ABHD10: variants seen among roughly 807,000 people sequenced by gnomAD.
ABHD10 encodes the protein palmitoyl-protein thioesterase ABHD10, mitochondrial.
In ABHD10, 22 loss-of-function variants were observed where a neutral mutation model predicts 33.1. The ratio of observed to expected loss-of-function variants is 0.66; its 90% confidence interval spans 0.47 to 0.95. ABHD10 has a LOEUF of 0.95. ABHD10 is among the 40% of genes least tolerant of loss of function. The probability of loss-of-function intolerance (pLI) is 0.00; values close to 1 mark genes in which losing one functional copy is unlikely to be tolerated. For synonymous variants in ABHD10, 146 were observed against 133.9 expected (o/e 1.09, Z -0.62); for missense variants, 352 against 379.9 (o/e 0.93, Z 0.61).
At position 111,986,964 on chromosome 3, in the gene ABHD10, T is replaced by G. The variant is rs1174418553; in HGVS notation, c.489T>G (p.Ile163Met). 4 of 1,612,778 alleles carry G rather than the reference T, an allele frequency of 2.5e-6. No individual in the cohort carries two copies. Among genetic ancestry groups the G allele is most frequent in the Non-Finnish European group, 3.4e-6 (4 of 1,179,686 alleles). Residue 163 changes from isoleucine (I) to methionine (M), a missense_variant, in exon 4 of 5, where the codon ATT becomes ATG. Transcript: ENST00000273359. ...GGTGGCTTATGCTTCATGCTGCAAT[T>G]GCACGACCAGAGAAGGTCGTGGCTC... ...LGGWLMLHAA[I>M]ARPEKVVALI...
chr3:111,993,025 A>G lies in ABHD10; in HGVS notation c.*1304A>G, dbSNP rs2072762150. On this transcript the variant is annotated 3_prime_UTR_variant, in exon 5 of 5. Coordinates refer to ENST00000273359, the MANE Select transcript of ABHD10 (RefSeq NM_018394.4). ...AGAACTGATCAAAGTAGCTTACTATATCTAAACTGTAAAACAATATAGTTT... is the reference window on the plus strand; with the variant it reads ...AGAACTGATCAAAGTAGCTTACTATGTCTAAACTGTAAAACAATATAGTTT... The G allele has an allele frequency of 1.3e-5, 2 of 152,220 alleles. No individual in the cohort carries two copies. Among genetic ancestry groups the G allele is most frequent in the African/African-American group, 4.8e-5 (2 of 41,456 alleles). The allele number at this position is 152,220 out of a possible 1,614,324, so 9.4% of individuals were successfully genotyped here. A position where few individuals can be genotyped will look rare whatever the true frequency, so the allele number is the denominator to read the frequency against.
rs750405903 is a variant in ABHD10 at position 111,979,067 on chromosome 3, G to A, written c.6G>A (p.Ala2=). 3 of 1,612,862 alleles carry A rather than the reference G, an allele frequency of 1.9e-6. No individual in the cohort carries two copies. The Admixed American group carries it at 5.0e-5, about 27-fold the overall frequency. The stretch of plus-strand genomic sequence containing the variant: ...GTGCGGGGACAACTACGAAGATGGC[G>A]GTTGCGCGCTTGGCAGCTGTGGCGG... M[A]VARLAAVAAW... Residue 2 remains alanine, a synonymous_variant, in exon 1 of 5, where the codon GCG becomes GCA. Coordinates refer to ENST00000273359, the MANE Select transcript of ABHD10 (RefSeq NM_018394.4).
intron 1 of ABHD10, among the ~76,000 whole-genome samples, chr3:111,979,935 T>G (rs2072559225): frequency 6.6e-6 from 1 of 152,230 alleles, no homozygotes. Flanking sequence ...ATAATCAGAT[T>G]AACTTGCATT....
chr3:111,988,348 TC>T (rs2072696740), intron 4 of ABHD10, among the ~76,000 whole-genome samples: 2 of 152,318 alleles, frequency 1.3e-5, no homozygotes, highest in African/African-American at 4.8e-5. Context: ...TTGTTCACTT[TC>T]TTGGTGGTTT....
At chr3:111,988,217 C>T (rs2072694536) in intron 4 of ABHD10, among the ~76,000 whole-genome samples, 1 of 152,174 alleles carries the variant, frequency 6.6e-6, no homozygotes, top group East Asian at 1.9e-4. Context: ...TCTTAGTTCA[C>T]GTTGTTTTAA....
At chr3:111,982,126 A>G in intron 2 of ABHD10, 159 bp downstream of exon 2, 1 of 625,824 alleles carries the variant, frequency 1.6e-6, no homozygotes, top group Non-Finnish European at 2.3e-6. Context: ...TTTAAAAGCA[A>G]CCTTTAAAAG....
At chr3:111,982,138 C>T (rs2072593131) in intron 2 of ABHD10, 171 bp downstream of exon 2, 1 of 552,422 alleles carries the variant, frequency 1.8e-6, no homozygotes, top group Non-Finnish European at 2.8e-6. Flanking sequence ...CTTTAAAAGA[C>T]CTTTTTTAAA....
chr3:111,989,140 AG>A (rs1482052420), intron 4 of ABHD10, among the ~76,000 whole-genome samples: 2 of 152,176 alleles, frequency 1.3e-5, no homozygotes, highest in Non-Finnish European at 2.9e-5. Context: ...ATGTCAACGG[AG>A]CAGATGTGGA....
At chr3:111,988,715 G>C (rs567839190) in intron 4 of ABHD10, among the ~76,000 whole-genome samples, 4 of 152,154 alleles carry the variant, frequency 2.6e-5, no homozygotes, top group African/African-American at 9.6e-5. Flanking sequence ...TCAGCCTCCT[G>C]AGTAGCTGGG....
At chr3:111,989,438 T>A (rs868156479) in intron 4 of ABHD10, among the ~76,000 whole-genome samples, 2 of 152,386 alleles carry the variant, frequency 1.3e-5, no homozygotes, top group Middle Eastern at 3.4e-3. Context: ...TACAACATTT[T>A]ATAAAGTTAA....
intron 2 of ABHD10, among the ~76,000 whole-genome samples, chr3:111,984,006 A>G (rs911510842): frequency 7.2e-5 from 11 of 152,050 alleles, no homozygotes; most frequent in Non-Finnish European, 1.3e-4. Flanking sequence ...AAGTATTTAT[A>G]TTTTCCTTCA....
chr3:111,981,332 A>AT (rs2072582359), intron 1 of ABHD10, among the ~76,000 whole-genome samples: 1 of 145,294 alleles, frequency 6.9e-6, no homozygotes, highest in Admixed American at 6.7e-5. Context: ...AAAAAAAAAA[A>AT]AGAAAGAAAA....
At position 111,991,376 on chromosome 3, in the gene ABHD10, G is replaced by C. The variant is rs2072736937; in HGVS notation, c.577-1G>C. On this transcript the variant is annotated splice_acceptor_variant, in intron 4 of 4. Transcript: ENST00000273359. LOFTEE classifies it high-confidence loss of function. ...TTTATTTTTCTTTCTTTTTCCAATA[G>C]CTAAAAAAGGAAGTAGAGATGAAAG... is the stretch of plus-strand genomic sequence containing the variant. 6.3e-7 allele frequency: 1 copy of C among 1,589,964 alleles called. No homozygotes were observed. Among genetic ancestry groups the C allele is most frequent in the Admixed American group, 1.9e-5 (1 of 51,672 alleles).
chr3:111,981,714 C>A (rs955999122), intron 1 of ABHD10, 70 bp from the exon 2 acceptor site: 11 of 1,319,688 alleles, frequency 8.3e-6, no homozygotes, highest in East Asian at 7.1e-5. Flanking sequence ...AAGTTAAGAT[C>A]GAAAATATAT....
At chr3:111,983,182 TA>T (rs1430321973) in intron 2 of ABHD10, among the ~76,000 whole-genome samples, 1 of 152,148 alleles carries the variant, frequency 6.6e-6, no homozygotes, top group African/African-American at 2.4e-5. Flanking sequence ...CTTAATTGCA[TA>T]AAGTTAGAGA....
intron 2 of ABHD10, among the ~76,000 whole-genome samples, chr3:111,984,760 A>G (rs2072632726): frequency 6.6e-6 from 1 of 152,220 alleles, no homozygotes; most frequent in Non-Finnish European, 1.5e-5. Flanking sequence ...CTATTTAAAG[A>G]CAGAGTCATA....
chr3:111,990,795 T>C (rs996020670), intron 4 of ABHD10: 2 of 1,079,478 alleles, frequency 1.9e-6, no homozygotes, highest in Admixed American at 3.0e-5. Context: ...TATTTTTTTA[T>C]TCTTAGTTCT....
intron 2 of ABHD10, among the ~76,000 whole-genome samples, chr3:111,984,995 A>G (rs893529151): frequency 6.6e-6 from 1 of 152,250 alleles, no homozygotes; most frequent in Non-Finnish European, 1.5e-5. Context: ...GAGGGAGATG[A>G]ATGTTTAAAA....
chr3:111,979,044 G>A lies in ABHD10; in HGVS notation c.-18G>A, dbSNP rs769380525. Reference sequence around the variant, plus strand: ...GTCCCTCAGTGGGACACTGCAGGGTGCGGGGACAACTACGAAGATGGCGGT... The same window carrying A: ...GTCCCTCAGTGGGACACTGCAGGGTACGGGGACAACTACGAAGATGGCGGT... On this transcript the variant is annotated 5_prime_UTR_variant, in exon 1 of 5. Coordinates refer to ENST00000273359, the MANE Select transcript of ABHD10 (RefSeq NM_018394.4). 5 of 1,611,140 alleles carry A rather than the reference G, an allele frequency of 3.1e-6. No individual in the cohort carries two copies. Among genetic ancestry groups the A allele is most frequent in the Non-Finnish European group, 4.2e-6 (5 of 1,178,620 alleles).
Sources: gnomAD v4.1 joint callset for allele counts (sites outside exome capture counted in the v4.1 genomes callset) on GRCh38, gnomAD v4.1.1 for gene constraint, MANE v1.5 for transcripts, NCBI Gene and HGNC (gene_info 2026-07-23, HGNC 2026-07-21) for gene names.